The following PTPRA variants were observed in gnomAD, a reference collection of about 807,000 sequenced individuals.
The protein encoded by PTPRA is receptor-type tyrosine-protein phosphatase alpha.
A neutral mutation model predicts 104.8 loss-of-function variants in PTPRA; 25 were observed. The observed-to-expected ratio is 0.24, with a 90% CI of 0.17 to 0.33. The LOEUF (loss-of-function observed/expected upper bound fraction) is 0.33, where lower values mean the gene tolerates loss of function less well. Ranked by LOEUF, PTPRA falls within the 10% of genes least tolerant of loss-of-function variation. The probability of loss-of-function intolerance (pLI) is 1.00; values close to 1 mark genes in which losing one functional copy is unlikely to be tolerated. For missense variants in PTPRA, 765 were observed against 1,015.3 expected (o/e 0.75, Z 3.35); for synonymous variants, 323 against 368.9 (o/e 0.88, Z 1.43).
chr20:2,874,177 G>T (rs1444805771), intron 1 of PTPRA, among the ~76,000 whole-genome samples: 2 of 152,054 alleles, frequency 1.3e-5, no homozygotes, highest in Non-Finnish European at 2.9e-5. Context: ...TTCCCTTCAA[G>T]TCCACCTCCC....
At chr20:2,971,309 GTC>G (rs2062177189) in intron 5 of PTPRA, among the ~76,000 whole-genome samples, 1 of 152,018 alleles carries the variant, frequency 6.6e-6, no homozygotes. Flanking sequence ...ATTTTCTGAA[GTC>G]TTTTTTTTTT....
intron 1 of PTPRA, among the ~76,000 whole-genome samples, chr20:2,891,163 A>G (rs550033128): frequency 2.0e-5 from 3 of 152,166 alleles, no homozygotes; most frequent in Admixed American, 6.5e-5. Flanking sequence ...AAATTTGCCT[A>G]TTTTCCACCA....
At chr20:2,919,422 TG>T (rs971907658) in intron 1 of PTPRA, among the ~76,000 whole-genome samples, 58 of 152,320 alleles carry the variant, frequency 3.8e-4, no homozygotes, top group African/African-American at 1.4e-3. Context: ...CCTTTCATGG[TG>T]GTGGAATTTC....
chr20:3,026,703 A>G lies in PTPRA; in HGVS notation c.1631A>G (p.Lys544Arg). 1 of 1,611,770 alleles carries G rather than the reference A, an allele frequency of 6.2e-7. No individual in the cohort carries two copies. The highest frequency in any genetic ancestry group is 8.5e-7 in the Non-Finnish European group (1 of 1,177,890). ...CCAATTCAGAAGTTAACATCAATCA[A>G]AATCCAGAATGACAAGATGCGGACT... ...EEEFKKLTSIKIQNDKMRTGN... is the reference protein window; with the variant it reads ...EEEFKKLTSIRIQNDKMRTGN... Residue 544 changes from lysine to arginine, a missense_variant, in exon 18 of 24, where the codon AAA becomes AGA. By Grantham distance (26) the Lys-to-Arg change is conservative (BLOSUM62 2). This residue lies in a region of PTPRA where 192 missense variants were observed against 227.0 expected (regional missense o/e 0.85). Transcript: ENST00000399903.
intron 1 of PTPRA, among the ~76,000 whole-genome samples, chr20:2,908,549 C>A (rs958887631): frequency 6.6e-6 from 1 of 152,042 alleles, no homozygotes; most frequent in African/African-American, 2.4e-5. Flanking sequence ...CAAAATGCTT[C>A]CCTATCTTGT....
intron 1 of PTPRA, among the ~76,000 whole-genome samples, chr20:2,889,639 A>G (rs577116): frequency 0.66 from 100,914 of 152,056 alleles, 34,863 homozygotes; most frequent in East Asian, 0.86. Context: ...TCTTTCTGGG[A>G]TTGTGATGCC....
intron 3 of PTPRA, among the ~76,000 whole-genome samples, chr20:2,963,772 C>T (rs1338830313): frequency 6.6e-6 from 1 of 152,072 alleles, no homozygotes; most frequent in East Asian, 1.9e-4. Context: ...GGTGTGGGAG[C>T]TCACACCTGT....
Position 2,899,436 on chromosome 20 carries a change from A to G in PTPRA, c.-128-23771A>G, listed in dbSNP as rs145959047. ...TCAGGAGGCAGAAGGAACCAGAGGA[A>G]AGGATGGGTGAGTTTTTTTTTTGTT... On this transcript the variant is annotated intron_variant, in intron 1 of 23. Coordinates refer to ENST00000399903, the MANE Select transcript of PTPRA (RefSeq NM_001385305.1). 5.3e-4 allele frequency among the ~76,000 whole-genome samples: 80 copies of G among 152,034 alleles called. 1 individual carries two copies. Among genetic ancestry groups the G allele is most frequent in the African/African-American group, 1.8e-3 (73 of 41,334 alleles).
At chr20:2,926,846 A>G (rs1037733957) in intron 2 of PTPRA, among the ~76,000 whole-genome samples, 1 of 137,460 alleles carries the variant, frequency 7.3e-6, no homozygotes, top group Non-Finnish European at 1.5e-5. Flanking sequence ...GCTGGAGTAC[A>G]GTGGTGTGAT....
intron 1 of PTPRA, among the ~76,000 whole-genome samples, chr20:2,891,401 CTG>C (rs2058784341): frequency 6.6e-6 from 1 of 152,204 alleles, no homozygotes; most frequent in Non-Finnish European, 1.5e-5. Context: ...TATCTTTTCT[CTG>C]AGCCCACTGC....
chr20:2,889,993 C>G (rs544400552), intron 1 of PTPRA, among the ~76,000 whole-genome samples: 2 of 152,052 alleles, frequency 1.3e-5, no homozygotes, highest in African/African-American at 4.8e-5. Flanking sequence ...AAGTGATCCT[C>G]CCGCCTCAGC....
intron 5 of PTPRA, among the ~76,000 whole-genome samples, chr20:2,974,291 C>G (rs1265697599): frequency 6.6e-6 from 1 of 151,966 alleles, no homozygotes; most frequent in South Asian, 2.1e-4. Context: ...CACTCTGCCC[C>G]CCTTCTGGAG....
intron 1 of PTPRA, among the ~76,000 whole-genome samples, chr20:2,876,617 T>C (rs2089735034): frequency 6.6e-6 from 1 of 152,272 alleles, no homozygotes; most frequent in African/African-American, 2.4e-5. Context: ...CAGGTTCTTC[T>C]CTTACAGCAA....
At chr20:2,928,823 T>G (rs1044896791) in intron 2 of PTPRA, among the ~76,000 whole-genome samples, 7 of 151,026 alleles carry the variant, frequency 4.6e-5, no homozygotes, top group Non-Finnish European at 8.8e-5. Context: ...CTAATCTTTT[T>G]TTCTCTCTTT....
chr20:3,030,183 C>T (rs1305710755), intron 20 of PTPRA, among the ~76,000 whole-genome samples: 1 of 152,202 alleles, frequency 6.6e-6, no homozygotes, highest in African/African-American at 2.4e-5. Context: ...CAGTCAGATG[C>T]AGGCTCTTCC....
chr20:2,947,168 G>A lies in PTPRA; in HGVS notation c.-49-814G>A, dbSNP rs558250670. On this transcript the variant is annotated intron_variant, in intron 2 of 23. Coordinates refer to ENST00000399903, the MANE Select transcript of PTPRA (RefSeq NM_001385305.1). The stretch of plus-strand genomic sequence containing the variant: ...TTTACCATTTATTTGCTTTATATAA[G>A]TTCCAGAAAGAAACTATTTCCTCTC... 3.3e-5 allele frequency among the ~76,000 whole-genome samples: 5 copies of A among 152,274 alleles called. No homozygotes were observed. In the East Asian group the frequency reaches 9.6e-4, roughly 29 times the overall value.
chr20:2,938,765 A>G (rs1303908078), intron 2 of PTPRA, among the ~76,000 whole-genome samples: 2 of 152,094 alleles, frequency 1.3e-5, no homozygotes, highest in African/African-American at 4.8e-5. Flanking sequence ...TAAAAATTCC[A>G]TTTGGTACTC....
intron 9 of PTPRA, among the ~76,000 whole-genome samples, chr20:2,997,808 G>T (rs1259063811): frequency 6.6e-6 from 1 of 152,138 alleles, no homozygotes; most frequent in African/African-American, 2.4e-5. Context: ...GCATTATCAA[G>T]GTTTAAAAAG....
At chr20:2,864,310 C>G in the PTPRA span, 1 of 1,613,782 alleles carries the variant, frequency 6.2e-7, no homozygotes, top group Admixed American at 1.7e-5. The surrounding 1 kb of genome is among the most constrained non-coding windows in gnomAD (Gnocchi z 5.2). Flanking sequence ...CTGGGGGGCC[C>G]CTGGGCTAAG....
Sources: allele counts gnomAD v4.1 joint callset (sites outside exome capture counted in the v4.1 genomes callset), GRCh38; gene constraint gnomAD v4.1.1; regional missense constraint gnomAD v4.1.1; non-coding constraint Gnocchi (gnomAD v3.1); transcripts MANE v1.5; gene names NCBI Gene and HGNC (gene_info 2026-07-23, HGNC 2026-07-21).